Variants in CFAP70 observed in about 807,000 individuals in gnomAD.
The protein encoded by CFAP70 is cilia- and flagella-associated protein 70.
In CFAP70, 81 loss-of-function variants were observed where a neutral mutation model predicts 137.6. That is an observed-to-expected ratio of 0.59 (90% CI 0.49 to 0.71). The LOEUF is 0.71. Ranked by LOEUF, CFAP70 falls within the 30% of genes least tolerant of loss-of-function variation. The pLI, the probability that CFAP70 is intolerant of heterozygous loss-of-function variation, is 0.00. For synonymous variants in CFAP70, 382 were observed against 423.6 expected, an observed-to-expected ratio of 0.90 and a Z score of 1.20; for missense variants, 976 against 1,226.7, an observed-to-expected ratio of 0.80 and a Z score of 3.05.
At chr10:73,351,564 C>T (rs1213091124) in intron 3 of CFAP70, among the ~76,000 whole-genome samples, 1 of 152,132 alleles carries the variant, frequency 6.6e-6, no homozygotes, top group Non-Finnish European at 1.5e-5. Context: ...TCCTGAGTAA[C>T]TGGGACTACA....
chr10:73,282,826 CTTTTTTTTTTT>C (rs1203127459), intron 19 of CFAP70, among the ~76,000 whole-genome samples: 1 of 90,924 alleles, frequency 1.1e-5, no homozygotes, highest in African/African-American at 4.3e-5. Flanking sequence ...TTCCTGTTAT[CTTTTTTTTTTT>C]TTTTTTTTTT....
intron 1 of CFAP70, among the ~76,000 whole-genome samples, chr10:73,355,718 C>A (rs1321739736): frequency 6.6e-6 from 1 of 152,176 alleles, no homozygotes; most frequent in Non-Finnish European, 1.5e-5. Flanking sequence ...GCAGAGGTTG[C>A]AGTGAGCTGA....
chr10:73,273,943 GA>G (rs1396065732), intron 23 of CFAP70, among the ~76,000 whole-genome samples: 1 of 152,166 alleles, frequency 6.6e-6, no homozygotes, highest in Non-Finnish European at 1.5e-5. Flanking sequence ...TTCCATAAAA[GA>G]AAGGTTTTGT....
intron 19 of CFAP70, among the ~76,000 whole-genome samples, chr10:73,290,398 G>C (rs1452233753): frequency 1.3e-5 from 2 of 152,176 alleles, no homozygotes; most frequent in Admixed American, 1.3e-4. Flanking sequence ...CTGGAAATGG[G>C]AGCAAGAGAA....
intron 8 of CFAP70, among the ~76,000 whole-genome samples, chr10:73,323,437 C>T (rs1019546200): frequency 5.9e-5 from 9 of 152,142 alleles, no homozygotes; most frequent in East Asian, 1.9e-4. Flanking sequence ...TCTGAGGTAC[C>T]GGGTTCATCT....
intron 6 of CFAP70, among the ~76,000 whole-genome samples, chr10:73,339,073 C>T (rs190646821): frequency 1.1e-3 from 174 of 152,096 alleles, no homozygotes; most frequent in Non-Finnish European, 1.9e-3. Flanking sequence ...TGTGTGCCAA[C>T]GTGCCCAGCT....
Position 73,355,030 on chromosome 10 carries a change from C to T in CFAP70, c.-39-195G>A, listed in dbSNP as rs187868014. Among the ~76,000 whole-genome samples, 54 of 152,304 alleles carry T rather than the reference C, an allele frequency of 3.5e-4. No homozygotes were observed. In the South Asian group the frequency reaches 0.01, roughly 29 times the overall value. On this transcript the variant is annotated intron_variant, in intron 1 of 26. Coordinates refer to ENST00000310715, the Ensembl canonical transcript of CFAP70. ...GTCACAAGGATGATTTCACTGGTAG[C>T]GCTAAAGATGTTTATACAGGTAACT... is the stretch of plus-strand genomic sequence containing the variant.
chr10:73,262,565 A>G (rs1229524737), intron 25 of CFAP70, among the ~76,000 whole-genome samples: 1 of 152,190 alleles, frequency 6.6e-6, no homozygotes, highest in African/African-American at 2.4e-5. Context: ...GGTTGCTAAG[A>G]TCTGTATAAT....
At chr10:73,257,015 T>C (rs778405087) in intron 25 of CFAP70, among the ~76,000 whole-genome samples, 5 of 152,122 alleles carry the variant, frequency 3.3e-5, no homozygotes, top group Non-Finnish European at 7.4e-5. Flanking sequence ...TTGTTCCTCT[T>C]AGGACTGAAG....
chr10:73,261,020 C>G, intron 25 of CFAP70, among the ~76,000 whole-genome samples: 1 of 152,218 alleles, frequency 6.6e-6, no homozygotes, highest in African/African-American at 2.4e-5. Flanking sequence ...TTTTAAGAAT[C>G]TGACAAACTG....
At chr10:73,261,348 T>C (rs1180924604) in intron 25 of CFAP70, among the ~76,000 whole-genome samples, 1 of 152,148 alleles carries the variant, frequency 6.6e-6, no homozygotes, top group African/African-American at 2.4e-5. Context: ...TTCATGCTGC[T>C]GATAAAGACA....
chr10:73,308,908 T>C (rs2049656247), intron 12 of CFAP70, among the ~76,000 whole-genome samples: 1 of 151,182 alleles, frequency 6.6e-6, no homozygotes, highest in South Asian at 2.1e-4. Flanking sequence ...TATATAGTTC[T>C]CTACACATAC....
intron 6 of CFAP70, among the ~76,000 whole-genome samples, chr10:73,339,411 G>C (rs1326875933): frequency 6.6e-6 from 1 of 152,222 alleles, no homozygotes; most frequent in African/African-American, 2.4e-5. Context: ...TAACAAAGGT[G>C]ACGACTGTCA....
At chr10:73,348,595 G>A in intron 3 of CFAP70, 74 bp from the exon 4 acceptor site, 1 of 979,210 alleles carries the variant, frequency 1.0e-6, no homozygotes, top group Non-Finnish European at 1.5e-6. Flanking sequence ...AACAAACAAA[G>A]CATTGTCAAA....
At chr10:73,309,332 C>A (rs1691133101) in intron 12 of CFAP70, among the ~76,000 whole-genome samples, 1 of 151,970 alleles carries the variant, frequency 6.6e-6, no homozygotes, top group South Asian at 2.1e-4. Flanking sequence ...TTTTAAATTA[C>A]ATATATGTAT....
intron 7 of CFAP70, among the ~76,000 whole-genome samples, chr10:73,332,399 G>C (rs538687120): frequency 2.0e-5 from 3 of 152,220 alleles, no homozygotes; most frequent in African/African-American, 4.8e-5. Context: ...CCTATCAAAG[G>C]GTTGATCTTT....
At position 73,299,738 on chromosome 10, in the gene CFAP70, C is replaced by T; in HGVS notation, c.1257-73G>A. On this transcript the variant is annotated intron_variant, in intron 12 of 26. Coordinates refer to ENST00000310715, the Ensembl canonical transcript of CFAP70. ...TCTACAGATGTATATTTTCTTTTAT[C>T]TTATCCTCAAAGTGTCTGGGTGGGG... 6 of 1,254,168 alleles carry T rather than the reference C, an allele frequency of 4.8e-6. No homozygotes were observed. In the South Asian group the frequency reaches 8.2e-5, roughly 17 times the overall value. The allele number at this position is 1,254,168 out of a possible 1,614,324, so 77.7% of individuals were successfully genotyped here.
rs1404301369 is a variant in CFAP70 at position 73,355,114 on chromosome 10, C to T, written c.-39-279G>A. On this transcript the variant is annotated intron_variant, in intron 1 of 26. Transcript: ENST00000310715. Reference sequence around the variant, plus strand: ...TAGGAACACCTTGACCTCCCATACCCTACATCAGGGGTCCCCACCCCGAAC... The same window carrying T: ...TAGGAACACCTTGACCTCCCATACCTTACATCAGGGGTCCCCACCCCGAAC... 2.0e-5 allele frequency among the ~76,000 whole-genome samples: 3 copies of T among 152,184 alleles called. No individual in the cohort carries two copies. In the South Asian group the frequency reaches 6.2e-4, roughly 32 times the overall value.
chr10:73,298,299 C>A (rs966980330), intron 14 of CFAP70, among the ~76,000 whole-genome samples: 1 of 152,100 alleles, frequency 6.6e-6, no homozygotes, highest in African/African-American at 2.4e-5. Flanking sequence ...TGGAAAACAG[C>A]AAACATGTAA....
Sources: allele counts gnomAD v4.1 joint callset (sites outside exome capture counted in the v4.1 genomes callset), GRCh38; gene constraint gnomAD v4.1.1; transcripts MANE v1.5; gene names NCBI Gene and HGNC (gene_info 2026-07-23, HGNC 2026-07-21).